The following CEP290 variants were observed in gnomAD, a reference collection of about 807,000 sequenced individuals.
The protein encoded by CEP290 is centrosomal protein 290.
In CEP290, 317 loss-of-function variants were observed where a neutral mutation model predicts 344.9. The ratio of observed to expected loss-of-function variants is 0.92; its 90% CI spans 0.84 to 1.01. The LOEUF (loss-of-function observed/expected upper bound fraction) is 1.01. CEP290 is among the 50% of genes least tolerant of loss of function. CEP290 has a pLI of 0.00. For missense variants in CEP290, 2,754 were observed against 2,761.4 expected (o/e 1.00, Z 0.06); for synonymous variants, 932 against 895.8 (o/e 1.04, Z -0.72).
At chr12:88,119,408 C>T (rs2039266385) in intron 15 of CEP290, among the ~76,000 whole-genome samples, 2 of 152,032 alleles carry the variant, frequency 1.3e-5, no homozygotes, top group Non-Finnish European at 2.9e-5. Context: ...AATATATAAA[C>T]TCTCAAGCTA....
chr12:88,053,681 T>G lies in CEP290; in HGVS notation c.7100A>C (p.Asp2367Ala). Reference protein sequence around the residue: ...ELIHQIEANKDQSGAESTIPD... With the variant: ...ELIHQIEANKAQSGAESTIPD... Reference sequence around the variant, plus strand: ...TATGGTGCTTTCAGCTCCACTTTGGTCCTTGTTAGCTTCTATCTGATGGAT... The same window carrying G: ...TATGGTGCTTTCAGCTCCACTTTGGGCCTTGTTAGCTTCTATCTGATGGAT... The change falls in exon 52 of 54, where the codon GAC (aspartate) becomes GCC (alanine). Residue 2367 changes from aspartate to alanine, a missense_variant. Coordinates refer to ENST00000552810, the MANE Select transcript of CEP290 (RefSeq NM_025114.4). 6.5e-7 allele frequency: 1 copy of G among 1,549,880 alleles called. No individual in the cohort carries two copies. Among genetic ancestry groups the G allele is most frequent in the Non-Finnish European group, 8.7e-7 (1 of 1,143,418 alleles).
intron 25 of CEP290, among the ~76,000 whole-genome samples, chr12:88,104,591 TA>T (rs200937246): frequency 2.0e-5 from 3 of 151,332 alleles, no homozygotes; most frequent in Admixed American, 6.6e-5. Context: ...ATCCCTAAAA[TA>T]AAAAAAATGA....
At position 88,126,376 on chromosome 12, in the gene CEP290, C is replaced by T. The variant is rs1043933772; in HGVS notation, c.1005G>A (p.Arg335=). ...CAAGCTGAGCATTCTTAAGTTTCTC[C>T]CTTAGGTTATGTAACATTTGCTGAT... is the stretch of plus-strand genomic sequence containing the variant. ...IEYQQMLHNL[R]EKLKNAQLDA... is the part of the protein sequence containing the mutation. The change falls in exon 12 of 54, where the codon AGG becomes AGA. Residue 335 remains arginine, a synonymous_variant. Coordinates refer to ENST00000552810, the MANE Select transcript of CEP290 (RefSeq NM_025114.4). 6.6e-7 allele frequency: 1 copy of T among 1,516,460 alleles called. No individual in the cohort carries two copies. Among genetic ancestry groups the T allele is most frequent in the Non-Finnish European group, 8.8e-7 (1 of 1,137,180 alleles). 93.9% of individuals were successfully genotyped at this position (1,516,460 alleles called of 1,614,324 possible). A position where few individuals can be genotyped will look rare whatever the true frequency, so the allele number is the denominator to read the frequency against.
chr12:88,071,700 C>A, intron 42 of CEP290, 81 bp downstream of exon 42: 1 of 1,088,262 alleles, frequency 9.2e-7, no homozygotes. Context: ...CTCATATTAT[C>A]AACTATGATA....
intron 10 of CEP290, 81 bp from the exon 11 acceptor site, chr12:88,129,116 A>G: frequency 1.3e-5 from 8 of 608,834 alleles, no homozygotes; most frequent in Non-Finnish European, 2.1e-5. Flanking sequence ...CATATACATT[A>G]TATATATAAA....
rs73412691 is a variant in CEP290, at chr12:88,068,386, A to G, written c.6135+136T>C. 2.4e-4 allele frequency: 121 copies of G among 510,630 alleles called. 2 individuals carry two copies. In the African/African-American group the frequency reaches 2.4e-3, roughly 10 times the overall value. 31.6% of individuals were successfully genotyped at this position (510,630 alleles called of 1,614,324 possible). Reference sequence around the variant, plus strand: ...TATTACACATCACTACCTGTTAAAAATAAAAGTTGAATTTACTGTATTACT... The same window carrying G: ...TATTACACATCACTACCTGTTAAAAGTAAAAGTTGAATTTACTGTATTACT... On this transcript the variant is annotated intron_variant, in intron 44 of 53. Coordinates refer to ENST00000552810, the MANE Select transcript of CEP290 (RefSeq NM_025114.4).
intron 15 of CEP290, among the ~76,000 whole-genome samples, chr12:88,119,628 A>T (rs550433832): frequency 1.3e-5 from 2 of 152,216 alleles, no homozygotes; most frequent in South Asian, 4.1e-4. Flanking sequence ...GTGAAATCCC[A>T]TCTCTACCAA....
intron 26 of CEP290, among the ~76,000 whole-genome samples, chr12:88,099,480 A>G (rs1382494387): frequency 6.6e-6 from 1 of 152,176 alleles, no homozygotes; most frequent in Non-Finnish European, 1.5e-5. Flanking sequence ...GAAAAAACAG[A>G]ATGCCTATTT....
intron 1 of CEP290, among the ~76,000 whole-genome samples, chr12:88,141,645 T>C (rs2040678978): frequency 6.6e-6 from 1 of 151,788 alleles, no homozygotes; most frequent in South Asian, 2.1e-4. Flanking sequence ...ACCCTAATCC[T>C]GGCAAGCGCG....
At chr12:88,107,978 T>C (rs369562831) in intron 23 of CEP290, among the ~76,000 whole-genome samples, 1 of 151,528 alleles carries the variant, frequency 6.6e-6, no homozygotes, top group African/African-American at 2.4e-5. Flanking sequence ...AGTATATACA[T>C]ATATAGAACA....
At chr12:88,118,421 T>C in intron 17 of CEP290, 62 bp downstream of exon 17, 3 of 1,299,258 alleles carry the variant, frequency 2.3e-6, no homozygotes, top group Non-Finnish European at 3.2e-6. Flanking sequence ...ACAAATAATT[T>C]CATATCCAGA....
intron 8 of CEP290, 41 bp from the exon 9 acceptor site, chr12:88,130,461 C>G (rs1293128642): frequency 6.3e-7 from 1 of 1,596,600 alleles, no homozygotes; most frequent in East Asian, 2.2e-5. Flanking sequence ...CAAAACTATT[C>G]AGAATAACAA....
Position 88,139,192 on chromosome 12 carries a change from C to A in CEP290, c.251-1G>T. On this transcript the variant is annotated splice_acceptor_variant, in intron 4 of 53. Coordinates refer to ENST00000552810, the MANE Select transcript of CEP290 (RefSeq NM_025114.4). LOFTEE classifies it high-confidence loss of function. ...ATTACTTTAGTTTTTAATTGATTTTCTATTTTTTTAAAAAAAAAGAAAAAC... is the reference window on the plus strand; with the variant it reads ...ATTACTTTAGTTTTTAATTGATTTTATATTTTTTTAAAAAAAAAGAAAAAC... 3.6e-6 allele frequency: 4 copies of A among 1,106,460 alleles called. No homozygotes were observed. Among genetic ancestry groups the A allele is most frequent in the East Asian group, 2.9e-5 (1 of 34,016 alleles). 68.5% of individuals were successfully genotyped at this position (1,106,460 alleles called of 1,614,324 possible). A position where few individuals can be genotyped will look rare whatever the true frequency, so the allele number is the denominator to read the frequency against.
intron 15 of CEP290, 38 bp downstream of exon 15, chr12:88,120,076 C>A (rs2039309737): frequency 1.5e-6 from 2 of 1,319,628 alleles, no homozygotes; most frequent in South Asian, 2.0e-5. Flanking sequence ...ACTTGTAAAT[C>A]AGGTTGCGCA....
At chr12:88,114,989 A>C (rs1475321410) in intron 19 of CEP290, 109 bp downstream of exon 19, 13 of 620,706 alleles carry the variant, frequency 2.1e-5, no homozygotes, top group East Asian at 1.5e-4. Flanking sequence ...AGAGGTAATT[A>C]GGAGTAAAGC....
At chr12:88,093,565 C>A in intron 28 of CEP290, 1 of 489,756 alleles carries the variant, frequency 2.0e-6, no homozygotes. Context: ...AATAATATAA[C>A]ATTGGTGAGA....
At chr12:88,091,038 A>T (rs2137309118) in intron 29 of CEP290, among the ~76,000 whole-genome samples, 199 bp from the exon 30 acceptor site, 1 of 152,180 alleles carries the variant, frequency 6.6e-6, no homozygotes, top group Non-Finnish European at 1.5e-5. Context: ...TTTGCTATAT[A>T]AAAAAAACTT....
intron 48 of CEP290, among the ~76,000 whole-genome samples, chr12:88,059,320 C>T (rs926722921): frequency 6.6e-6 from 1 of 152,190 alleles, no homozygotes; most frequent in Non-Finnish European, 1.5e-5. Flanking sequence ...TATACCTTTA[C>T]ACATGTAAAA....
chr12:88,130,009 G>A, intron 9 of CEP290, 133 bp from the exon 10 acceptor site: 2 of 651,750 alleles, frequency 3.1e-6, no homozygotes, highest in Non-Finnish European at 4.8e-6. Flanking sequence ...TTACTAATTG[G>A]CATTGACCAA....
Sources: gnomAD v4.1 joint callset for allele counts (sites outside exome capture counted in the v4.1 genomes callset) on GRCh38, gnomAD v4.1.1 for gene constraint, MANE v1.5 for transcripts, NCBI Gene and HGNC (gene_info 2026-07-23, HGNC 2026-07-21) for gene names.